Variants in KCND2 observed in about 807,000 individuals in gnomAD.
The protein encoded by KCND2 is potassium voltage-gated channel subfamily D member 2.
Under a neutral mutation model 54.4 loss-of-function variants are expected in KCND2, and 16 were observed. The ratio of observed to expected loss-of-function variants is 0.29; its 90% confidence interval spans 0.20 to 0.45. The LOEUF (loss-of-function observed/expected upper bound fraction) is 0.45. Among genes scored for constraint, KCND2 ranks in the 20% least tolerant of loss-of-function variants. The probability of loss-of-function intolerance (pLI) is 1.00; values close to 1 mark genes in which losing one functional copy is unlikely to be tolerated. For missense variants in KCND2, 486 were observed against 824.2 expected (o/e 0.59, Z 5.02); for synonymous variants, 317 against 310.7 (o/e 1.02, Z -0.21).
intron 1 of KCND2, among the ~76,000 whole-genome samples, chr7:120,426,915 C>T (rs1046329749): frequency 3.9e-5 from 6 of 152,130 alleles, no homozygotes; most frequent in African/African-American, 9.7e-5. Flanking sequence ...CCACCGCGCC[C>T]GGCCCAACGT....
intron 1 of KCND2, among the ~76,000 whole-genome samples, chr7:120,685,485 G>T (rs543406638): frequency 9.2e-5 from 14 of 152,246 alleles, no homozygotes; most frequent in African/African-American, 2.9e-4. Flanking sequence ...ATCGGATGCT[G>T]CAGTGTCAGT....
At chr7:120,365,624 G>A (rs1030149697) in intron 1 of KCND2, among the ~76,000 whole-genome samples, 1 of 152,216 alleles carries the variant, frequency 6.6e-6, no homozygotes, top group African/African-American at 2.4e-5. Flanking sequence ...CTGGACCTAT[G>A]GGGAATGAAT....
intron 1 of KCND2, among the ~76,000 whole-genome samples, chr7:120,574,294 G>A (rs1278211007): frequency 6.6e-6 from 1 of 152,168 alleles, no homozygotes; most frequent in Non-Finnish European, 1.5e-5. Flanking sequence ...CCACTGTAAA[G>A]TGTCTTTGAC....
intron 1 of KCND2, among the ~76,000 whole-genome samples, chr7:120,556,409 A>T (rs1584826777): frequency 6.6e-6 from 1 of 152,156 alleles, no homozygotes; most frequent in Non-Finnish European, 1.5e-5. Flanking sequence ...AGAGAAGAGA[A>T]CTCAATAAAG....
intron 1 of KCND2, among the ~76,000 whole-genome samples, chr7:120,712,752 A>C (rs1792556860): frequency 1.3e-5 from 2 of 152,182 alleles, no homozygotes; most frequent in Non-Finnish European, 2.9e-5. Flanking sequence ...AGAAGTTCAA[A>C]AATCAGCTAC....
chr7:120,556,078 A>G (rs571762430), intron 1 of KCND2, among the ~76,000 whole-genome samples: 2 of 152,324 alleles, frequency 1.3e-5, no homozygotes, highest in South Asian at 4.1e-4. Flanking sequence ...GTTATTGGAG[A>G]GTACTGATTA....
At chr7:120,735,621 A>C (rs908383030) in intron 2 of KCND2, among the ~76,000 whole-genome samples, 2 of 152,110 alleles carry the variant, frequency 1.3e-5, no homozygotes, top group African/African-American at 4.8e-5. Flanking sequence ...ATACTAAAAT[A>C]CATTTAGAAA....
At chr7:120,542,224 G>A (rs190160092) in intron 1 of KCND2, among the ~76,000 whole-genome samples, 18 of 152,222 alleles carry the variant, frequency 1.2e-4, no homozygotes, top group African/African-American at 3.4e-4. Flanking sequence ...AGATTCAAAT[G>A]TATTGCAGTG....
At chr7:120,301,023 T>C (rs1799579097) in intron 1 of KCND2, among the ~76,000 whole-genome samples, 1 of 152,088 alleles carries the variant, frequency 6.6e-6, no homozygotes, top group African/African-American at 2.4e-5. Context: ...TAATGCAAAG[T>C]TGTAATACAC....
chr7:120,280,478 A>T (rs181800156), intron 1 of KCND2, among the ~76,000 whole-genome samples: 2 of 152,006 alleles, frequency 1.3e-5, no homozygotes, highest in South Asian at 2.1e-4. Context: ...TGGGTCTGTT[A>T]TGCTATTCTT....
intron 1 of KCND2, among the ~76,000 whole-genome samples, chr7:120,439,230 C>G (rs181196783): frequency 1.3e-5 from 2 of 151,990 alleles, no homozygotes; most frequent in Non-Finnish European, 2.9e-5. Flanking sequence ...GCTCTAGAGC[C>G]TACCAATTAA....
At chr7:120,738,350 C>T (rs1049658984) in intron 2 of KCND2, among the ~76,000 whole-genome samples, 14 of 151,912 alleles carry the variant, frequency 9.2e-5, no homozygotes, top group African/African-American at 2.9e-4. Context: ...ACCACACTTA[C>T]GAATTCCTTG....
At chr7:120,366,237 C>T (rs1043264091) in intron 1 of KCND2, among the ~76,000 whole-genome samples, 2 of 152,044 alleles carry the variant, frequency 1.3e-5, no homozygotes, top group African/African-American at 4.8e-5. Flanking sequence ...GTAACACCAG[C>T]ACTTTGGGAG....
chr7:120,304,157 C>T (rs1325184528), intron 1 of KCND2, among the ~76,000 whole-genome samples: 1 of 152,156 alleles, frequency 6.6e-6, no homozygotes, highest in African/African-American at 2.4e-5. Flanking sequence ...AATGTCACTG[C>T]TCCCCAGGGC....
intron 1 of KCND2, among the ~76,000 whole-genome samples, chr7:120,470,980 CTG>C (rs1476328605): frequency 1.3e-5 from 2 of 151,972 alleles, no homozygotes; most frequent in African/African-American, 4.8e-5. Flanking sequence ...AATGTGTACT[CTG>C]GGTGTGGGTA....
intron 1 of KCND2, among the ~76,000 whole-genome samples, chr7:120,633,412 G>A (rs1451023359): frequency 6.6e-6 from 1 of 152,124 alleles, no homozygotes; most frequent in Non-Finnish European, 1.5e-5. Context: ...TGTAAATATG[G>A]AAACCAACTG....
chr7:120,444,339 G>T (rs1160565203), intron 1 of KCND2, among the ~76,000 whole-genome samples: 1 of 152,078 alleles, frequency 6.6e-6, no homozygotes, highest in Non-Finnish European at 1.5e-5. Flanking sequence ...AGTATTGTTA[G>T]TACTTAGCTT....
chr7:120,535,679 G>A (rs1257964594), intron 1 of KCND2, among the ~76,000 whole-genome samples: 1 of 152,096 alleles, frequency 6.6e-6, no homozygotes. Context: ...AAGACTATTT[G>A]AATTTCTAGT....
chr7:120,718,249 G>A (rs779622044), intron 1 of KCND2, among the ~76,000 whole-genome samples: 2 of 152,112 alleles, frequency 1.3e-5, no homozygotes, highest in Non-Finnish European at 2.9e-5. Flanking sequence ...CTTCTAGAAG[G>A]AACAGCACAA....
Sources: gnomAD v4.1 joint callset for allele counts (sites outside exome capture counted in the v4.1 genomes callset) on GRCh38, gnomAD v4.1.1 for gene constraint, MANE v1.5 for transcripts, NCBI Gene and HGNC (gene_info 2026-07-23, HGNC 2026-07-21) for gene names.